Variants in PCDHGA4 observed in about 807,000 individuals in gnomAD.
The protein encoded by PCDHGA4 is protocadherin gamma subfamily A, 4.
PCDHGA4 carries 38 observed loss-of-function variants against 54.6 expected under a neutral mutation model. That is an observed-to-expected ratio of 0.70 (90% CI 0.54 to 0.91). PCDHGA4 has a LOEUF of 0.91. Among genes scored for constraint, PCDHGA4 ranks in the 40% least tolerant of loss-of-function variants. The pLI is 0.00. For synonymous variants in PCDHGA4, 511 were observed against 512.9 expected (o/e 1.00, Z 0.05); for missense variants, 1,298 against 1,220.9 (o/e 1.06, Z -0.94).
intron 1 of PCDHGA4, chr5:141,411,305 C>T (rs1317785609): frequency 6.6e-6 from 1 of 152,176 alleles, no homozygotes; most frequent in Non-Finnish European, 1.5e-5. Context: ...CCCAGTGGCT[C>T]ACACCTATAA....
At chr5:141,419,757 G>A (rs1468216226) in intron 1 of PCDHGA4, 5 of 1,613,876 alleles carry the variant, frequency 3.1e-6, no homozygotes, top group African/African-American at 1.3e-5. Flanking sequence ...CGTGCTTTGG[G>A]TGACAAGGAC....
intron 1 of PCDHGA4, among the ~76,000 whole-genome samples, chr5:141,430,398 C>T (rs2097281985): frequency 6.7e-6 from 1 of 150,224 alleles, no homozygotes. Flanking sequence ...AAAAAAAAAG[C>T]TCACTAAAGT....
intron 1 of PCDHGA4, among the ~76,000 whole-genome samples, chr5:141,433,761 T>G (rs2154555909): frequency 6.7e-6 from 1 of 148,664 alleles, no homozygotes; most frequent in Admixed American, 6.8e-5. Context: ...TGCTTTAACC[T>G]GGGAGGTGGA....
At chr5:141,374,037 C>G (rs1770042713) in intron 1 of PCDHGA4, 8 of 1,446,082 alleles carry the variant, frequency 5.5e-6, no homozygotes, top group Non-Finnish European at 7.3e-6. Context: ...TGATGCAGAT[C>G]TGTTCTTCCT....
At chr5:141,464,657 T>G (rs575409062) in intron 1 of PCDHGA4, among the ~76,000 whole-genome samples, 1 of 152,312 alleles carries the variant, frequency 6.6e-6, no homozygotes, top group South Asian at 2.1e-4. Context: ...GGTAAAAAGA[T>G]ATCTCCAAAT....
intron 1 of PCDHGA4, chr5:141,403,849 G>C (rs1422192604): frequency 6.2e-7 from 1 of 1,613,560 alleles, no homozygotes; most frequent in South Asian, 1.1e-5. Context: ...AAAATACTGG[G>C]GAAATATCAA....
intron 1 of PCDHGA4, among the ~76,000 whole-genome samples, chr5:141,449,131 G>A (rs530494400): frequency 7.9e-5 from 12 of 152,220 alleles, no homozygotes; most frequent in Non-Finnish European, 1.3e-4. Flanking sequence ...CCCAGAAATG[G>A]AATTGAAATT....
chr5:141,467,681 A>G (rs2099148744), intron 1 of PCDHGA4, among the ~76,000 whole-genome samples: 1 of 152,076 alleles, frequency 6.6e-6, no homozygotes, highest in African/African-American at 2.4e-5. Flanking sequence ...TATTTTTTTT[A>G]GACAGGGTCT....
chr5:141,494,855 G>C lies in PCDHGA4; in HGVS notation c.2563G>C (p.Gly855Arg), dbSNP rs200418116. The C allele has an allele frequency of 6.2e-7, 1 of 1,614,092 alleles. No homozygotes were observed. Among genetic ancestry groups the C allele is most frequent in the South Asian group, 1.1e-5 (1 of 91,072 alleles). ...DWRFSQAQRP[G>R]TSGSQNGDDT... is the part of the protein sequence containing the mutation. ...GCGTTTCTCTCAGGCCCAGAGACCC[G>C]GCACCAGCGGGTAGGTGACTGATTC... The change falls in exon 2 of 4, where the codon GGC (glycine) becomes CGC (arginine). Residue 855 changes from glycine (G) to arginine (R), a missense_variant. Transcript: ENST00000571252.
chr5:141,419,258 C>A, intron 1 of PCDHGA4: 3 of 1,614,028 alleles, frequency 1.9e-6, no homozygotes, highest in Non-Finnish European at 2.5e-6. Flanking sequence ...AAACAACCAG[C>A]CGGGTGCCTC....
rs2099606506 is a variant in PCDHGA4 at position 141,485,072 on chromosome 5, G to A, written c.2515-9735G>A. ...CCGGCCGAACCGCGCCAGAGCTGGC[G>A]CGGGGAAAGGGAGATAGGTGTCTCC... On this transcript the variant is annotated intron_variant, in intron 1 of 3. Transcript: ENST00000571252. This position sits in a 1 kb window ranked among gnomAD's most constrained non-coding sequence, Gnocchi z 5.7. 2 of 916,892 alleles carry A rather than the reference G, an allele frequency of 2.2e-6. No homozygotes were observed. The highest frequency in any genetic ancestry group is 3.4e-6 in the Non-Finnish European group (2 of 587,886). The allele number at this position is 916,892 out of a possible 1,614,324, so 56.8% of individuals were successfully genotyped here.
chr5:141,362,458 G>T (rs1762514954), intron 1 of PCDHGA4: 2 of 1,614,038 alleles, frequency 1.2e-6, no homozygotes, highest in Non-Finnish European at 1.7e-6. Flanking sequence ...CCCGGAATTG[G>T]TTCCCGCGCA....
intron 1 of PCDHGA4, among the ~76,000 whole-genome samples, chr5:141,453,095 G>T (rs1254113352): frequency 6.6e-6 from 1 of 151,962 alleles, no homozygotes; most frequent in African/African-American, 2.4e-5. Flanking sequence ...TATATTTTCT[G>T]TTGCTTTTTT....
chr5:141,429,376 T>TG (rs2097206796), intron 1 of PCDHGA4, among the ~76,000 whole-genome samples: 1 of 144,558 alleles, frequency 6.9e-6, no homozygotes, highest in Non-Finnish European at 1.5e-5. Context: ...GGAGAAAATG[T>TG]GTTTTTTTTT....
Position 141,355,435 on chromosome 5 carries a change from C to G in PCDHGA4, c.328C>G (p.Pro110Ala). 6.2e-7 allele frequency: 1 copy of G among 1,614,106 alleles called. No individual in the cohort carries two copies. Among genetic ancestry groups the G allele is most frequent in the South Asian group, 1.1e-5 (1 of 91,086 alleles). The stretch of plus-strand genomic sequence containing the variant: ...TAGGACGCAGCTTTTCGCCCTGAAC[C>G]CGCGCAGCGGCACCTTGGTCACCGC... Reference protein sequence around the residue: ...RGRTQLFALNPRSGTLVTAGR... With the variant: ...RGRTQLFALNARSGTLVTAGR... The change falls in exon 1 of 4, where the codon CCG becomes GCG. Residue 110 changes from proline to alanine, a missense_variant. Coordinates refer to ENST00000571252, the MANE Select transcript of PCDHGA4 (RefSeq NM_018917.4).
At chr5:141,423,722 GT>G in intron 1 of PCDHGA4, 1 of 954,176 alleles carries the variant, frequency 1.0e-6, no homozygotes, top group Admixed American at 5.1e-5. Flanking sequence ...TTAAGGAGAT[GT>G]TTTTTGAGCC....
At chr5:141,435,728 A>T (rs549219746) in intron 1 of PCDHGA4, among the ~76,000 whole-genome samples, 1 of 152,200 alleles carries the variant, frequency 6.6e-6, no homozygotes, top group Non-Finnish European at 1.5e-5. Flanking sequence ...GCTAAAGTGT[A>T]TTACTCTTTG....
intron 1 of PCDHGA4, among the ~76,000 whole-genome samples, chr5:141,433,465 C>T (rs1386201581): frequency 6.6e-6 from 1 of 152,060 alleles, no homozygotes; most frequent in Non-Finnish European, 1.5e-5. Context: ...GAAACTTGGG[C>T]TCAGGCTAGC....
intron 1 of PCDHGA4, among the ~76,000 whole-genome samples, chr5:141,451,724 A>G (rs2098722682): frequency 6.6e-6 from 1 of 152,170 alleles, no homozygotes; most frequent in Non-Finnish European, 1.5e-5. Context: ...TCTACTAAAA[A>G]TACAAAAATT....
Sources: gnomAD v4.1 joint callset for allele counts (sites outside exome capture counted in the v4.1 genomes callset) on GRCh38, gnomAD v4.1.1 for gene constraint, Gnocchi (gnomAD v3.1) non-coding constraint, MANE v1.5 for transcripts, NCBI Gene and HGNC (gene_info 2026-07-23, HGNC 2026-07-21) for gene names.